Variants in CELF4 observed in about 807,000 individuals in gnomAD.
CELF4 encodes the protein CUG-BP- and ETR-3-like factor 4.
A neutral mutation model predicts 59.9 loss-of-function variants in CELF4; 18 were observed. The ratio of observed to expected loss-of-function variants is 0.30; its 90% confidence interval spans 0.21 to 0.45. The LOEUF (loss-of-function observed/expected upper bound fraction) is 0.45, where lower values mean the gene tolerates loss of function less well. CELF4 is among the 20% of genes least tolerant of loss of function. CELF4 has a pLI of 1.00. For synonymous variants in CELF4, 261 were observed against 267.1 expected, an observed-to-expected ratio of 0.98 and a Z score of 0.22; for missense variants, 456 against 689.0, an observed-to-expected ratio of 0.66 and a Z score of 3.79.
intron 2 of CELF4, among the ~76,000 whole-genome samples, chr18:37,328,973 A>C (rs1245167644): frequency 6.6e-6 from 1 of 152,148 alleles, no homozygotes; most frequent in Non-Finnish European, 1.5e-5. Context: ...TCACTCTCTC[A>C]ATTTGTCGTG....
chr18:37,313,394 G>A (rs544334375), intron 3 of CELF4, among the ~76,000 whole-genome samples: 1 of 152,278 alleles, frequency 6.6e-6, no homozygotes, highest in East Asian at 1.9e-4. Context: ...TGAGTCACTC[G>A]CTGACTCCTA....
chr18:37,445,441 G>A (rs1050124913), intron 2 of CELF4, among the ~76,000 whole-genome samples: 1 of 152,060 alleles, frequency 6.6e-6, no homozygotes, highest in East Asian at 1.9e-4. Flanking sequence ...TGCAGCTGGG[G>A]TCTGGGGTCG....
At chr18:37,462,246 G>A (rs1279880252) in intron 2 of CELF4, among the ~76,000 whole-genome samples, 1 of 152,168 alleles carries the variant, frequency 6.6e-6, no homozygotes, top group South Asian at 2.1e-4. Flanking sequence ...GTCTCGAGCA[G>A]GGAAAAGGAG....
chr18:37,447,231 CA>C (rs1332843915), intron 2 of CELF4, among the ~76,000 whole-genome samples: 1 of 152,232 alleles, frequency 6.6e-6, no homozygotes, highest in Non-Finnish European at 1.5e-5. Flanking sequence ...ACTTGGCATC[CA>C]AATTCATGTG....
intron 6 of CELF4, chr18:37,274,009 T>C: frequency 8.2e-7 from 1 of 1,223,340 alleles, no homozygotes; most frequent in Admixed American, 4.5e-5. Flanking sequence ...GGGTTCAACG[T>C]TGATCTGGCT....
intron 1 of CELF4, among the ~76,000 whole-genome samples, chr18:37,559,114 C>T (rs2099985777): frequency 6.6e-6 from 1 of 152,120 alleles, no homozygotes; most frequent in Non-Finnish European, 1.5e-5. Flanking sequence ...ACTTGGATCA[C>T]TGACAAATCC....
intron 1 of CELF4, among the ~76,000 whole-genome samples, chr18:37,512,584 C>T (rs977329458): frequency 1.3e-5 from 2 of 151,612 alleles, no homozygotes; most frequent in Non-Finnish European, 2.9e-5. Context: ...ACACCTTTCT[C>T]GTCTTCCTCC....
Position 37,444,617 on chromosome 18 carries a change from T to TACACACACACACACACACAC in CELF4, c.369+40888_369+40907dup, listed in dbSNP as rs61248144. Reference sequence around the variant, plus strand: ...TCTCTCTCTCTCTCTCTAGCATGCATACACACACACACACACACACACACA... The same window carrying TACACACACACACACACACAC: ...TCTCTCTCTCTCTCTCTAGCATGCATACACACACACACACACACACACACACACACACACACACACACACA... On this transcript the variant is annotated intron_variant, in intron 2 of 12. Transcript: ENST00000420428. Among the ~76,000 whole-genome samples, 291 of 134,228 alleles carry TACACACACACACACACACAC rather than the reference T, an allele frequency of 2.2e-3. 2 individuals are homozygous for TACACACACACACACACACAC. Among genetic ancestry groups the TACACACACACACACACACAC allele is most frequent in the African/African-American group, 7.1e-3 (245 of 34,624 alleles). The allele number at this position is 134,228 out of a possible 152,430, so 88.1% of individuals were successfully genotyped here. A position where few individuals can be genotyped will look rare whatever the true frequency, so the allele number is the denominator to read the frequency against.
intron 3 of CELF4, among the ~76,000 whole-genome samples, chr18:37,279,055 C>T (rs550853840): frequency 1.3e-5 from 2 of 152,302 alleles, no homozygotes; most frequent in South Asian, 4.2e-4. Context: ...CCACACAGCC[C>T]CTGACTCCTG....
chr18:37,243,186 C>CTTTTTTTTTTTTTTTTTTTTTTTTTTTTT lies in CELF4; in HGVS notation c.*2055_*2056insAAAAAAAAAAAAAAAAAAAAAAAAAAAAA, dbSNP rs561464294. 1 of 100,570 alleles carries CTTTTTTTTTTTTTTTTTTTTTTTTTTTTT rather than the reference C, an allele frequency of 9.9e-6. No homozygotes were observed. Among genetic ancestry groups the CTTTTTTTTTTTTTTTTTTTTTTTTTTTTT allele is most frequent in the Non-Finnish European group, 1.9e-5 (1 of 52,200 alleles). The allele number at this position is 100,570 out of a possible 1,614,324, so 6.2% of individuals were successfully genotyped here. On this transcript the variant is annotated 3_prime_UTR_variant, in exon 13 of 13. Coordinates refer to ENST00000420428, the MANE Select transcript of CELF4 (RefSeq NM_020180.4). Reference sequence around the variant, plus strand: ...TGTTTTCTTTTTTTTTTCTTTTTTTCTTTTTTTTTTTTTTTTTTTTACATC... The same window carrying CTTTTTTTTTTTTTTTTTTTTTTTTTTTTT: ...TGTTTTCTTTTTTTTTTCTTTTTTTCTTTTTTTTTTTTTTTTTTTTTTTTTTTTTTTTTTTTTTTTTTTTTTTTTACATC...
At chr18:37,288,395 T>C (rs765695985) in intron 3 of CELF4, among the ~76,000 whole-genome samples, 1 of 152,326 alleles carries the variant, frequency 6.6e-6, no homozygotes, top group Non-Finnish European at 1.5e-5. Flanking sequence ...TCAAAGACCA[T>C]GCCCTCAGAG....
chr18:37,535,724 G>A (rs2099972976), intron 1 of CELF4, among the ~76,000 whole-genome samples: 1 of 152,218 alleles, frequency 6.6e-6, no homozygotes. Flanking sequence ...GGGGAAAGGG[G>A]CGGCCACCAG....
chr18:37,493,711 A>G (rs2099917940), intron 1 of CELF4, among the ~76,000 whole-genome samples: 1 of 152,074 alleles, frequency 6.6e-6, no homozygotes, highest in Non-Finnish European at 1.5e-5. Flanking sequence ...TGGTCCCCTA[A>G]GCCAATGCAT....
chr18:37,362,934 C>A (rs1467340161), intron 2 of CELF4, among the ~76,000 whole-genome samples: 3 of 152,212 alleles, frequency 2.0e-5, no homozygotes, highest in Non-Finnish European at 4.4e-5. Flanking sequence ...CCCTCTCAGG[C>A]CCCTCAGGAG....
intron 2 of CELF4, among the ~76,000 whole-genome samples, chr18:37,484,582 A>C (rs1183698867): frequency 6.6e-6 from 1 of 152,190 alleles, no homozygotes; most frequent in Non-Finnish European, 1.5e-5. Flanking sequence ...CCCACCCCTA[A>C]ACGAGTAAAG....
chr18:37,290,986 C>T (rs533010270), intron 3 of CELF4, among the ~76,000 whole-genome samples: 3 of 152,248 alleles, frequency 2.0e-5, no homozygotes, highest in East Asian at 1.9e-4. Flanking sequence ...CTTGGCTCAC[C>T]GCAACCTCCG....
At chr18:37,358,404 G>A (rs567235035) in intron 2 of CELF4, among the ~76,000 whole-genome samples, 1 of 152,198 alleles carries the variant, frequency 6.6e-6, no homozygotes, top group Non-Finnish European at 1.5e-5. Context: ...CAGCCACGTG[G>A]AACTGTGAGT....
intron 12 of CELF4, among the ~76,000 whole-genome samples, chr18:37,252,775 T>G (rs898809614): frequency 6.6e-6 from 1 of 151,156 alleles, no homozygotes; most frequent in African/African-American, 2.4e-5. Flanking sequence ...TGTCTCCACC[T>G]TCTCAATCTT....
At chr18:37,334,435 G>C (rs1471410731) in intron 2 of CELF4, among the ~76,000 whole-genome samples, 1 of 151,930 alleles carries the variant, frequency 6.6e-6, no homozygotes, top group Admixed American at 6.6e-5. Context: ...CTGGCGAGGG[G>C]ATCTCTCCAG....
Sources: gnomAD v4.1 joint callset for allele counts (sites outside exome capture counted in the v4.1 genomes callset) on GRCh38, gnomAD v4.1.1 for gene constraint, MANE v1.5 for transcripts, NCBI Gene and HGNC (gene_info 2026-07-23, HGNC 2026-07-21) for gene names.